Variants in TTBK1 observed in about 807,000 individuals in gnomAD.
TTBK1 encodes the protein tau-tubulin kinase 1.
TTBK1 carries 34 observed loss-of-function variants against 108.5 expected under a neutral mutation model. The observed-to-expected ratio is 0.31, with a 90% CI of 0.24 to 0.42. The LOEUF is 0.42. Ranked by LOEUF, TTBK1 falls within the 10% of genes least tolerant of loss-of-function variation. TTBK1 has a pLI of 1.00. For missense variants in TTBK1, 1,539 were observed against 1,826.0 expected, an observed-to-expected ratio of 0.84 and a Z score of 2.86; for synonymous variants, 809 against 795.1, an observed-to-expected ratio of 1.02 and a Z score of -0.29.
rs1278264150 is a variant in TTBK1, at chr6:43,287,641, G to A, written c.*2265G>A. On this transcript the variant is annotated 3_prime_UTR_variant, in exon 15 of 15. Coordinates refer to ENST00000259750, the MANE Select transcript of TTBK1 (RefSeq NM_032538.3). This position sits in a 1 kb window ranked among gnomAD's most constrained non-coding sequence, Gnocchi z 4.1. ...AGGGAAAGTGGGCCAGTGGGGAGGG[G>A]GTCACCTAGGGGACTGCCTCTGTGC... 1 of 152,176 alleles carries A rather than the reference G, an allele frequency of 6.6e-6. No homozygotes were observed. Among genetic ancestry groups the A allele is most frequent in the African/African-American group, 2.4e-5 (1 of 41,368 alleles). The allele number at this position is 152,176 out of a possible 1,614,324, so 9.4% of individuals were successfully genotyped here.
Position 43,285,384 on chromosome 6 carries a change from C to T in TTBK1, c.*8C>T, listed in dbSNP as rs997487824. ...CGGGCTGGGGCCAGATAATGACGCC[C>T]GCTGCTCTCCGCGGTCCCCCACCCT... On this transcript the variant is annotated 3_prime_UTR_variant, in exon 15 of 15. Coordinates refer to ENST00000259750, the MANE Select transcript of TTBK1 (RefSeq NM_032538.3). The surrounding 1 kb of genome is among the most constrained non-coding windows in gnomAD (Gnocchi z 4.7). The T allele has an allele frequency of 8.7e-5, 111 of 1,271,948 alleles. 1 individual carries two copies. The highest frequency in any genetic ancestry group is 2.4e-4 in the Middle Eastern group (1 of 4,088). 78.8% of individuals were successfully genotyped at this position (1,271,948 alleles called of 1,614,324 possible).
intron 13 of TTBK1, among the ~76,000 whole-genome samples, chr6:43,279,187 A>G (rs1778082446): frequency 6.6e-6 from 1 of 152,118 alleles, no homozygotes; most frequent in African/African-American, 2.4e-5. Flanking sequence ...GAGGGCTTGG[A>G]GGCAGGAGAA....
chr6:43,269,956 G>GC lies in TTBK1; in HGVS notation c.1986+6606_1986+6607insC, dbSNP rs1777781269. The GC allele has an allele frequency of 6.9e-7, 1 of 1,439,976 alleles. No individual in the cohort carries two copies. The highest frequency in any genetic ancestry group is 1.4e-5 in the African/African-American group (1 of 69,412). The allele number at this position is 1,439,976 out of a possible 1,614,324, so 89.2% of individuals were successfully genotyped here. A position where few individuals can be genotyped will look rare whatever the true frequency, so the allele number is the denominator to read the frequency against. ...CGGTTCACCCACAAGACCTAGGCTG[G>GC]GCCCCCCCCCTCCTGGAGGGGGCAG... On this transcript the variant is annotated intron_variant, in intron 13 of 14. Coordinates refer to ENST00000259750, the MANE Select transcript of TTBK1 (RefSeq NM_032538.3). The surrounding 1 kb of genome is among the most constrained non-coding windows in gnomAD (Gnocchi z 4.8).
At position 43,265,148 on chromosome 6, in the gene TTBK1, G is replaced by A. The variant is rs997544230; in HGVS notation, c.1986+1798G>A. Among the ~76,000 whole-genome samples the A allele has an allele frequency of 3.9e-5, 6 of 152,324 alleles. No homozygotes were observed. In the East Asian group the frequency reaches 7.7e-4, roughly 20 times the overall value. The stretch of plus-strand genomic sequence containing the variant: ...TGGGGAGAGTCATGGAGGGGATGCC[G>A]GAAGGGGCTCAGGGGCTGTGCCGCG... On this transcript the variant is annotated intron_variant, in intron 13 of 14. Coordinates refer to ENST00000259750, the MANE Select transcript of TTBK1 (RefSeq NM_032538.3). This position sits in a 1 kb window ranked among gnomAD's most constrained non-coding sequence, Gnocchi z 4.1.
chr6:43,283,827 G>C lies in TTBK1; in HGVS notation c.3087G>C (p.Pro1029=), dbSNP rs777846920. 8.7e-6 allele frequency: 14 copies of C among 1,611,326 alleles called. No homozygotes were observed. The highest frequency in any genetic ancestry group is 1.1e-5 in the Non-Finnish European group (13 of 1,178,642). ...ALADGPAPVS[P]LEPSPEKVAT... ...CAGACGGGCCAGCCCCGGTGTCCCC[G>C]CTGGAGCCAAGCCCTGAGAAAGTGG... Residue 1029 remains proline, a synonymous_variant, in exon 14 of 15, where the codon CCG becomes CCC. Coordinates refer to ENST00000259750, the MANE Select transcript of TTBK1 (RefSeq NM_032538.3). The surrounding 1 kb of genome is among the most constrained non-coding windows in gnomAD (Gnocchi z 8.1).
At position 43,283,416 on chromosome 6, in the gene TTBK1, G is replaced by A; in HGVS notation, c.2676G>A (p.Lys892=). ...SEPGTLSSVL[K]SEPKPPGPGA... ...CAGGCACCCTGTCCTCTGTCCTCAA[G>A]TCTGAGCCCAAGCCCCCGGGGCCTG... Residue 892 remains lysine (K), a synonymous_variant, in exon 14 of 15, where the codon AAG becomes AAA. Transcript: ENST00000259750. The surrounding 1 kb of genome is among the most constrained non-coding windows in gnomAD (Gnocchi z 8.1). The A allele has an allele frequency of 3.1e-6, 5 of 1,612,974 alleles. No homozygotes were observed. Among genetic ancestry groups the A allele is most frequent in the Non-Finnish European group, 2.5e-6 (3 of 1,179,476 alleles).
chr6:43,246,875 G>A (rs1777104143), intron 2 of TTBK1, 107 bp downstream of exon 2: 1 of 808,664 alleles, frequency 1.2e-6, no homozygotes, highest in Non-Finnish European at 2.0e-6. Context: ...TAAGAGGGAG[G>A]TGCCTCTAAG....
In TTBK1 at chr6:43,285,936, C is replaced by T. The variant is rs1778371587; in HGVS notation, c.*560C>T. On this transcript the variant is annotated 3_prime_UTR_variant, in exon 15 of 15. Coordinates refer to ENST00000259750, the MANE Select transcript of TTBK1 (RefSeq NM_032538.3). This position sits in a 1 kb window ranked among gnomAD's most constrained non-coding sequence, Gnocchi z 4.7. ...ACAGTCTTCTGGGAGCCATTGTGGCCAGGGACGGCCTCTGGACTGCCAGGC... is the reference window on the plus strand; with the variant it reads ...ACAGTCTTCTGGGAGCCATTGTGGCTAGGGACGGCCTCTGGACTGCCAGGC... 6.5e-6 allele frequency: 1 copy of T among 152,744 alleles called. No individual in the cohort carries two copies. The highest frequency in any genetic ancestry group is 2.1e-4 in the South Asian group (1 of 4,822). The allele number at this position is 152,744 out of a possible 1,614,324, so 9.5% of individuals were successfully genotyped here.
In TTBK1 at chr6:43,269,696, A is replaced by G; in HGVS notation, c.1986+6346A>G. 6.2e-7 allele frequency: 1 copy of G among 1,611,032 alleles called. No homozygotes were observed. Among genetic ancestry groups the G allele is most frequent in the Non-Finnish European group, 8.5e-7 (1 of 1,179,606 alleles). On this transcript the variant is annotated intron_variant, in intron 13 of 14. Coordinates refer to ENST00000259750, the MANE Select transcript of TTBK1 (RefSeq NM_032538.3). This position sits in a 1 kb window ranked among gnomAD's most constrained non-coding sequence, Gnocchi z 4.8. The stretch of plus-strand genomic sequence containing the variant: ...CCCTCCCGCGGTACAGCCCCCTGCG[A>G]CGACTGGCGTCCTCCGTGTTCTCCT...
intron 13 of TTBK1, among the ~76,000 whole-genome samples, chr6:43,281,293 T>C (rs1778153500): frequency 6.6e-6 from 1 of 151,556 alleles, no homozygotes; most frequent in African/African-American, 2.4e-5. Context: ...GGAGAATCAC[T>C]TGAACCCGGG....
At chr6:43,249,479 T>C (rs1777182036) in intron 2 of TTBK1, among the ~76,000 whole-genome samples, 1 of 152,142 alleles carries the variant, frequency 6.6e-6, no homozygotes, top group African/African-American at 2.4e-5. Flanking sequence ...AAAATTGTAT[T>C]TTATGACTGC....
Position 43,285,520 on chromosome 6 carries a change from ACG to A in TTBK1, c.*151_*152del, listed in dbSNP as rs1279314641. ...CAGCTTTCCGCCTGCACCCGCGAGG[ACG>A]CGCGCGAGCACACGCGGCGCCCCGC... On this transcript the variant is annotated 3_prime_UTR_variant, in exon 15 of 15. Transcript: ENST00000259750. The surrounding 1 kb of genome is among the most constrained non-coding windows in gnomAD (Gnocchi z 4.7). 7.0e-5 allele frequency: 78 copies of A among 1,117,658 alleles called. No individual in the cohort carries two copies. In the South Asian group the frequency reaches 3.2e-3, roughly 46 times the overall value. The allele number at this position is 1,117,658 out of a possible 1,614,324, so 69.2% of individuals were successfully genotyped here. A position where few individuals can be genotyped will look rare whatever the true frequency, so the allele number is the denominator to read the frequency against.
chr6:43,285,753 G>T lies in TTBK1; in HGVS notation c.*377G>T. Reference sequence around the variant, plus strand: ...TGGTTCGTTCGCCCACCAGGCCTAGGCTACGCTCCATGCTCCCCCAGCAAT... The same window carrying T: ...TGGTTCGTTCGCCCACCAGGCCTAGTCTACGCTCCATGCTCCCCCAGCAAT... On this transcript the variant is annotated 3_prime_UTR_variant, in exon 15 of 15. Coordinates refer to ENST00000259750, the MANE Select transcript of TTBK1 (RefSeq NM_032538.3). This position sits in a 1 kb window ranked among gnomAD's most constrained non-coding sequence, Gnocchi z 4.7. 6.0e-6 allele frequency: 1 copy of T among 166,886 alleles called. No individual in the cohort carries two copies. Among genetic ancestry groups the T allele is most frequent in the Non-Finnish European group, 1.3e-5 (1 of 77,746 alleles). 10.3% of individuals were successfully genotyped at this position (166,886 alleles called of 1,614,324 possible).
At position 43,287,278 on chromosome 6, in the gene TTBK1, C is replaced by T. The variant is rs1199299725; in HGVS notation, c.*1902C>T. On this transcript the variant is annotated 3_prime_UTR_variant, in exon 15 of 15. Coordinates refer to ENST00000259750, the MANE Select transcript of TTBK1 (RefSeq NM_032538.3). The surrounding 1 kb of genome is among the most constrained non-coding windows in gnomAD (Gnocchi z 4.1). ...TGGAGGAAGGGCCACTGCCTCCCAC[C>T]TAGAGCTTCTCCGAATGACAATCAG... 1 of 152,614 alleles carries T rather than the reference C, an allele frequency of 6.6e-6. No homozygotes were observed. The highest frequency in any genetic ancestry group is 1.5e-5 in the Non-Finnish European group (1 of 68,058). 9.5% of individuals were successfully genotyped at this position (152,614 alleles called of 1,614,324 possible).
intron 13 of TTBK1, among the ~76,000 whole-genome samples, chr6:43,281,195 G>A (rs972266171): frequency 2.6e-5 from 4 of 151,788 alleles, no homozygotes; most frequent in African/African-American, 9.7e-5. Context: ...CCAACACGGC[G>A]AAACCCCGTC....
chr6:43,255,956 T>C (rs1777369743), intron 9 of TTBK1, 100 bp downstream of exon 9: 4 of 1,477,996 alleles, frequency 2.7e-6, no homozygotes, highest in East Asian at 2.3e-5. Flanking sequence ...AGCCCTGCCT[T>C]GTCCCCAAGC....
intron 13 of TTBK1, among the ~76,000 whole-genome samples, chr6:43,277,614 C>CCAGG (rs1375322683): frequency 2.0e-5 from 3 of 152,188 alleles, no homozygotes; most frequent in Admixed American, 1.3e-4. Flanking sequence ...CTGCATAGAC[C>CCAGG]CAGGGTAGGT....
rs542524225 is a variant in TTBK1, at chr6:43,252,897, C to T, written c.256+11C>T. 110 of 1,612,490 alleles carry T rather than the reference C, an allele frequency of 6.8e-5. 1 individual carries two copies. In the South Asian group the frequency reaches 9.9e-4, roughly 14 times the overall value. On this transcript the variant is annotated intron_variant, in intron 3 of 14. Coordinates refer to ENST00000259750, the MANE Select transcript of TTBK1 (RefSeq NM_032538.3). ...TCAAGAAGTTGCAAGGTTCGGGCCT[C>T]GGGCAGGGGGATGGGAAGGAAGAGA...
Position 43,269,663 on chromosome 6 carries a change from G to C in TTBK1, c.1986+6313G>C, listed in dbSNP as rs764377089. On this transcript the variant is annotated intron_variant, in intron 13 of 14. Coordinates refer to ENST00000259750, the MANE Select transcript of TTBK1 (RefSeq NM_032538.3). This position sits in a 1 kb window ranked among gnomAD's most constrained non-coding sequence, Gnocchi z 4.8. ...TTCAGTTGGAGGAGGACAGACTCTC[G>C]GGGCACTCCCTCCCGCGGTACAGCC... The C allele has an allele frequency of 1.2e-6, 2 of 1,610,922 alleles. No individual in the cohort carries two copies. Among genetic ancestry groups the C allele is most frequent in the African/African-American group, 2.7e-5 (2 of 74,848 alleles).
Sources: gnomAD v4.1 joint callset for allele counts (sites outside exome capture counted in the v4.1 genomes callset) on GRCh38, gnomAD v4.1.1 for gene constraint, Gnocchi (gnomAD v3.1) non-coding constraint, MANE v1.5 for transcripts, NCBI Gene and HGNC (gene_info 2026-07-23, HGNC 2026-07-21) for gene names.